Variants in ABCG1 observed in about 807,000 individuals in gnomAD.
The protein encoded by ABCG1 is ATP binding cassette subfamily G member 1.
A neutral mutation model predicts 69.2 loss-of-function variants in ABCG1; 29 were observed. The ratio of observed to expected loss-of-function variants is 0.42; its 90% CI spans 0.31 to 0.57. The LOEUF (loss-of-function observed/expected upper bound fraction) is 0.57, where lower values mean the gene tolerates loss of function less well. Among genes scored for constraint, ABCG1 ranks in the 20% least tolerant of loss-of-function variants. ABCG1 has a pLI of 0.15. For synonymous variants in ABCG1, 370 were observed against 374.8 expected (o/e 0.99, Z 0.15); for missense variants, 718 against 898.1 (o/e 0.80, Z 2.56).
chr21:42,229,356 C>T (rs1202371215), intron 2 of ABCG1, among the ~76,000 whole-genome samples: 1 of 152,184 alleles, frequency 6.6e-6, no homozygotes, highest in Non-Finnish European at 1.5e-5. Context: ...GTAATGATCA[C>T]GCGGAGGCTG....
chr21:42,208,616 C>T (rs982354615), intron 2 of ABCG1, among the ~76,000 whole-genome samples: 2 of 152,184 alleles, frequency 1.3e-5, no homozygotes, highest in African/African-American at 4.8e-5. Flanking sequence ...GATACTTAGC[C>T]AGGTGCTAGG....
chr21:42,296,615 A>G lies in ABCG1; in HGVS notation c.*223A>G. 1.9e-6 allele frequency: 1 copy of G among 522,238 alleles called. No homozygotes were observed. The allele number at this position is 522,238 out of a possible 1,614,324, so 32.4% of individuals were successfully genotyped here. A position where few individuals can be genotyped will look rare whatever the true frequency, so the allele number is the denominator to read the frequency against. On this transcript the variant is annotated 3_prime_UTR_variant, in exon 15 of 15. Coordinates refer to ENST00000398449, the MANE Select transcript of ABCG1 (RefSeq NM_016818.3). This position sits in a 1 kb window ranked among gnomAD's most constrained non-coding sequence, Gnocchi z 5.4. Reference sequence around the variant, plus strand: ...TAGCTTTAACTAGGAAGATGTAGGCAGATTGGTGGTTTTTTTTTTTTTAAC... The same window carrying G: ...TAGCTTTAACTAGGAAGATGTAGGCGGATTGGTGGTTTTTTTTTTTTTAAC...
intron 2 of ABCG1, among the ~76,000 whole-genome samples, chr21:42,268,858 G>A (rs2068564741): frequency 6.6e-6 from 1 of 152,156 alleles, no homozygotes; most frequent in African/African-American, 2.4e-5. Flanking sequence ...TGTTCCTGGG[G>A]TCCTGGGGGT....
intron 2 of ABCG1, among the ~76,000 whole-genome samples, chr21:42,234,143 A>G (rs984064608): frequency 1.3e-5 from 2 of 152,106 alleles, no homozygotes; most frequent in African/African-American, 4.8e-5. Context: ...GACACACATC[A>G]GTATGGGCAT....
At chr21:42,235,620 A>G (rs987111955) in intron 2 of ABCG1, among the ~76,000 whole-genome samples, 22 of 152,188 alleles carry the variant, frequency 1.4e-4, no homozygotes, top group Admixed American at 1.4e-3. Context: ...TTATAGGTAA[A>G]TTTAAATTTT....
At chr21:42,293,615 TACACACTACACACCACAC>T (rs1277434429) in intron 13 of ABCG1, among the ~76,000 whole-genome samples, 2 of 67,446 alleles carry the variant, frequency 3.0e-5, no homozygotes, top group African/African-American at 5.6e-5. Flanking sequence ...CACACCACAC[TACACACTACACACCACAC>T]ACACACCACA....
At chr21:42,293,375 A>C (rs996196457) in intron 13 of ABCG1, among the ~76,000 whole-genome samples, 1 of 144,284 alleles carries the variant, frequency 6.9e-6, no homozygotes, top group Admixed American at 6.9e-5. Flanking sequence ...ACACCACACT[A>C]CACACTACAC....
At chr21:42,226,932 G>A (rs1263266929) in intron 2 of ABCG1, among the ~76,000 whole-genome samples, 2 of 152,214 alleles carry the variant, frequency 1.3e-5, no homozygotes, top group South Asian at 2.1e-4. Context: ...TTTTGAAGAA[G>A]ACCAATCAAG....
In ABCG1 at chr21:42,209,456, G is replaced by A. The variant is rs79494137; in HGVS notation, c.48+7733G>A. 3.7e-3 allele frequency among the ~76,000 whole-genome samples: 557 copies of A among 152,348 alleles called. 3 individuals carry two copies. The highest frequency in any genetic ancestry group is 0.012 in the African/African-American group (516 of 41,578). On this transcript the variant is annotated intron_variant, in intron 2 of 15. Coordinates refer to the ABCG1 transcript ENST00000398457. ...GCTCCGTGCTGGGAATGATGTTAGAGCAAAGCAATATTAGTGAGATGCTGG... is the reference window on the plus strand; with the variant it reads ...GCTCCGTGCTGGGAATGATGTTAGAACAAAGCAATATTAGTGAGATGCTGG...
intron 13 of ABCG1, among the ~76,000 whole-genome samples, chr21:42,292,175 G>A (rs1054431853): frequency 2.0e-5 from 3 of 152,026 alleles, no homozygotes; most frequent in Non-Finnish European, 2.9e-5. Context: ...GCTTTAGGAC[G>A]CTCGGCCTCA....
intron 2 of ABCG1, among the ~76,000 whole-genome samples, chr21:42,236,754 A>G (rs1222401072): frequency 6.6e-6 from 1 of 152,242 alleles, no homozygotes; most frequent in Admixed American, 6.5e-5. Flanking sequence ...ATGGTGGTGG[A>G]TGAAAACCTT....
chr21:42,291,266 G>A lies in ABCG1; in HGVS notation c.1494+74G>A. ...GTACACCCTTTATATCGAGTAAGAG[G>A]ACCTGCCAGGGATGCAGGGTGACAT... On this transcript the variant is annotated intron_variant, in intron 12 of 14. Coordinates refer to ENST00000398449, the MANE Select transcript of ABCG1 (RefSeq NM_016818.3). The surrounding 1 kb of genome is among the most constrained non-coding windows in gnomAD (Gnocchi z 6.4). 1 of 1,309,348 alleles carries A rather than the reference G, an allele frequency of 7.6e-7. No individual in the cohort carries two copies. 81.1% of individuals were successfully genotyped at this position (1,309,348 alleles called of 1,614,324 possible).
chr21:42,218,334 A>G (rs941022083), upstream of ABCG1, among the ~76,000 whole-genome samples: 1 of 152,218 alleles, frequency 6.6e-6, no homozygotes, highest in African/African-American at 2.4e-5. Flanking sequence ...CCCCACTTAT[A>G]TATAATAAGG....
chr21:42,242,139 A>G (rs960262687), intron 2 of ABCG1, among the ~76,000 whole-genome samples: 4 of 152,244 alleles, frequency 2.6e-5, no homozygotes, highest in African/African-American at 9.6e-5. Context: ...AAAGTTACAA[A>G]GCACATGCAG....
chr21:42,293,005 CCA>C (rs558121958), intron 13 of ABCG1, among the ~76,000 whole-genome samples: 3 of 146,764 alleles, frequency 2.0e-5, no homozygotes, highest in African/African-American at 7.6e-5. Flanking sequence ...ACAGTACACA[CCA>C]CACACTACAC....
chr21:42,281,836 C>T (rs770837041), intron 5 of ABCG1, among the ~76,000 whole-genome samples: 1 of 152,366 alleles, frequency 6.6e-6, no homozygotes, highest in East Asian at 1.9e-4. Context: ...CCCTCCCCTT[C>T]GTTCTGGGCA....
intron 2 of ABCG1, among the ~76,000 whole-genome samples, chr21:42,266,238 T>C (rs747692918): frequency 6.6e-6 from 1 of 151,852 alleles, no homozygotes; most frequent in Non-Finnish European, 1.5e-5. Context: ...GAGGCAGAGT[T>C]TGCAGTGAGC....
intron 5 of ABCG1, among the ~76,000 whole-genome samples, chr21:42,281,175 G>A (rs987863049): frequency 3.9e-5 from 6 of 152,208 alleles, no homozygotes; most frequent in Admixed American, 6.5e-5. Context: ...TTTCTTCCTC[G>A]TGAGTTCTTC....
rs1483412046 is a variant in ABCG1, at chr21:42,288,022, C to T, written c.1107C>T (p.His369=). ...GDAEVNPFLW[H]RPSEEDSSSM... ...CCGAGGTGAACCCTTTTCTTTGGCA[C>T]CGGCCCTCTGAAGAGGTAAAGCAGA... Residue 369 remains histidine (H), a synonymous_variant, in exon 9 of 15, where the codon CAC becomes CAT. Transcript: ENST00000398449. This position sits in a 1 kb window ranked among gnomAD's most constrained non-coding sequence, Gnocchi z 4.8. 1.2e-6 allele frequency: 2 copies of T among 1,611,162 alleles called. No individual in the cohort carries two copies. Among genetic ancestry groups the T allele is most frequent in the Admixed American group, 3.4e-5 (2 of 59,594 alleles).
Sources: allele counts gnomAD v4.1 joint callset (sites outside exome capture counted in the v4.1 genomes callset), GRCh38; gene constraint gnomAD v4.1.1; non-coding constraint Gnocchi (gnomAD v3.1); transcripts MANE v1.5; gene names NCBI Gene and HGNC (gene_info 2026-07-23, HGNC 2026-07-21).